The following KRT7 variants were observed in gnomAD, a reference collection of about 807,000 sequenced individuals.
KRT7 encodes keratin, type II cytoskeletal 7.
A neutral mutation model predicts 42.8 loss-of-function variants in KRT7; 50 were observed. The observed-to-expected ratio is 1.17, with a 90% CI of 0.93 to 1.48. KRT7 has a LOEUF of 1.48. Among genes scored for constraint, KRT7 ranks in the 40% most tolerant of loss-of-function variants. KRT7 has a pLI of 0.00. For missense variants in KRT7, 588 were observed against 637.6 expected (o/e 0.92, Z 0.84); for synonymous variants, 268 against 266.3 (o/e 1.01, Z -0.06).
intron 6 of KRT7, chr12:52,244,706 T>G (rs1324352355): frequency 7.7e-6 from 7 of 913,462 alleles, no homozygotes; most frequent in Non-Finnish European, 7.8e-6. Flanking sequence ...CTCCTGGCAG[T>G]GGGGGCTGAG....
At chr12:52,254,303 T>G (rs1207692691), downstream of KRT7, 7 of 985,044 alleles carry the variant, frequency 7.1e-6, no homozygotes, top group East Asian at 1.6e-4. Flanking sequence ...GTCGATCTCC[T>G]GGGTCAGGGC....
downstream of KRT7, chr12:52,252,136 T>C: frequency 1.6e-6 from 2 of 1,225,714 alleles, no homozygotes; most frequent in South Asian, 2.5e-5. Flanking sequence ...GCAAATTCTC[T>C]CCTCCAATTA....
At position 52,235,075 on chromosome 12, in the gene KRT7, C is replaced by T; in HGVS notation, c.325-80C>T. On this transcript the variant is annotated intron_variant, in intron 1 of 8. Coordinates refer to ENST00000331817, the MANE Select transcript of KRT7 (RefSeq NM_005556.4). Reference sequence around the variant, plus strand: ...GGGGGAGCATGGCTCTGCTAAGTGGCTAAAGATGATGTTCCTCAATCCCGC... The same window carrying T: ...GGGGGAGCATGGCTCTGCTAAGTGGTTAAAGATGATGTTCCTCAATCCCGC... 2.2e-6 allele frequency: 3 copies of T among 1,372,388 alleles called. No homozygotes were observed. In the African/African-American group the frequency reaches 4.3e-5, roughly 20 times the overall value. The allele number at this position is 1,372,388 out of a possible 1,614,324, so 85.0% of individuals were successfully genotyped here. A position where few individuals can be genotyped will look rare whatever the true frequency, so the allele number is the denominator to read the frequency against.
At chr12:52,250,605 TC>T, downstream of KRT7, 1 of 1,169,576 alleles carries the variant, frequency 8.6e-7, no homozygotes, top group Non-Finnish European at 1.2e-6. Flanking sequence ...CACGCACAGG[TC>T]CCCGCATAAG....
At chr12:52,237,720 G>GGGTGTT in intron 3 of KRT7, 151 bp downstream of exon 3, 1 of 547,146 alleles carries the variant, frequency 1.8e-6, no homozygotes, top group Non-Finnish European at 3.2e-6. Context: ...TCCTGTGGGT[G>GGGTGTT]CGTGTATGTG....
downstream of KRT7, chr12:52,254,268 C>T (rs542094800): frequency 2.1e-6 from 2 of 932,786 alleles, no homozygotes; most frequent in African/African-American, 1.7e-5. Flanking sequence ...TGACCCCGCA[C>T]CTCCTCATAT....
chr12:52,241,649 C>G lies in KRT7; in HGVS notation c.858+13C>G, dbSNP rs1312911025. On this transcript the variant is annotated intron_variant, in intron 5 of 8. Coordinates refer to ENST00000331817, the MANE Select transcript of KRT7 (RefSeq NM_005556.4). ...GTACCAGACCAAGGTGTGAGGCCACCAGGGGCGTATTTCCTCCTGCCAGGG... is the reference window on the plus strand; with the variant it reads ...GTACCAGACCAAGGTGTGAGGCCACGAGGGGCGTATTTCCTCCTGCCAGGG... 1.3e-6 allele frequency: 2 copies of G among 1,596,558 alleles called. No homozygotes were observed. Among genetic ancestry groups the G allele is most frequent in the East Asian group, 2.3e-5 (1 of 44,338 alleles).
intron 6 of KRT7, chr12:52,243,391 A>G: frequency 2.2e-6 from 1 of 464,726 alleles, no homozygotes; most frequent in Non-Finnish European, 3.8e-6. Flanking sequence ...GAAGAAAGCC[A>G]CCACTGGTTC....
intron 1 of KRT7, among the ~76,000 whole-genome samples, chr12:52,234,048 A>AG (rs1363909038): frequency 7.9e-6 from 1 of 126,806 alleles, no homozygotes; most frequent in Non-Finnish European, 1.6e-5. Context: ...CCCTTCCCAG[A>AG]GGGGGAGACC....
At chr12:52,254,708 C>T (rs1942316349), downstream of KRT7, among the ~76,000 whole-genome samples, 1 of 152,202 alleles carries the variant, frequency 6.6e-6, no homozygotes. Flanking sequence ...CCCCTCTCCG[C>T]TCTGGAATCT....
chr12:52,241,004 T>C (rs1038157547), intron 4 of KRT7, among the ~76,000 whole-genome samples: 2 of 141,016 alleles, frequency 1.4e-5, no homozygotes, highest in Non-Finnish European at 3.0e-5. Flanking sequence ...AATTCCCACC[T>C]ATGAGTGAGA....
chr12:52,233,369 C>T lies in KRT7; in HGVS notation c.73C>T (p.Arg25Cys), dbSNP rs142083292. 1 of 1,570,348 alleles carries T rather than the reference C, an allele frequency of 6.4e-7. No homozygotes were observed. The highest frequency in any genetic ancestry group is 8.6e-7 in the Non-Finnish European group (1 of 1,163,968). ...CTTCTCGGGCCGCGGCGCCCAGGTG[C>T]GCCTGAGCTCCGCTCGCCCCGGCGG... ...AAFSGRGAQV[R>C]LSSARPGGLG... Residue 25 changes from arginine to cysteine, a missense_variant, in exon 1 of 9, where the codon CGC (arginine) becomes TGC (cysteine). Transcript: ENST00000331817.
intron 3 of KRT7, 77 bp from the exon 4 acceptor site, chr12:52,238,603 C>G: frequency 1.1e-6 from 1 of 886,202 alleles, no homozygotes; most frequent in Non-Finnish European, 1.9e-6. Flanking sequence ...ACAGGGCAGG[C>G]CTGCTTCCAC....
intron 6 of KRT7, 41 bp downstream of exon 6, chr12:52,243,178 T>C: frequency 1.9e-6 from 3 of 1,582,454 alleles, no homozygotes; most frequent in Non-Finnish European, 2.6e-6. Flanking sequence ...ACTTGGGGCA[T>C]GCAGGGGTGG....
intron 3 of KRT7, 30 bp downstream of exon 3, chr12:52,237,599 T>C (rs558272205): frequency 8.7e-6 from 13 of 1,492,688 alleles, no homozygotes; most frequent in Admixed American, 6.1e-5. Flanking sequence ...TCGAGGAGGG[T>C]TGTCTGAAAA....
downstream of KRT7, chr12:52,252,135 C>T: frequency 8.2e-7 from 1 of 1,222,262 alleles, no homozygotes; most frequent in Non-Finnish European, 1.2e-6. Flanking sequence ...TGCAAATTCT[C>T]TCCTCCAATT....
downstream of KRT7, chr12:52,252,295 G>A (rs764487915): frequency 8.1e-5 from 130 of 1,613,898 alleles, no homozygotes; most frequent in Non-Finnish European, 1.0e-4. Context: ...GCGCCTGTAG[G>A]TGGCGATCTC....
At chr12:52,236,532 C>T (rs1485335200) in intron 2 of KRT7, among the ~76,000 whole-genome samples, 1 of 152,198 alleles carries the variant, frequency 6.6e-6, no homozygotes, top group Non-Finnish European at 1.5e-5. Context: ...CTTGACCTGG[C>T]TGTGCACTGC....
chr12:52,255,513 C>A, downstream of KRT7: 4 of 439,088 alleles, frequency 9.1e-6, no homozygotes, highest in Admixed American at 7.5e-5. Context: ...GAGGTGGTCA[C>A]AAGAATCAAA....
Sources: gnomAD v4.1 joint callset for allele counts (sites outside exome capture counted in the v4.1 genomes callset) on GRCh38, gnomAD v4.1.1 for gene constraint, MANE v1.5 for transcripts, NCBI Gene and HGNC (gene_info 2026-07-23, HGNC 2026-07-21) for gene names.